Variants in GNE observed in about 807,000 individuals in gnomAD.
The protein encoded by GNE is bifunctional UDP-N-acetylglucosamine 2-epimerase/N-acetylmannosamine kinase.
A neutral mutation model predicts 61.8 loss-of-function variants in GNE; 41 were observed. That is an observed-to-expected ratio of 0.66 (90% CI 0.52 to 0.86). The LOEUF is 0.86. Among genes scored for constraint, GNE ranks in the 40% least tolerant of loss-of-function variants. The pLI is 0.00. For missense variants in GNE, 608 were observed against 909.1 expected, an observed-to-expected ratio of 0.67 and a Z score of 4.26; for synonymous variants, 264 against 326.4, an observed-to-expected ratio of 0.81 and a Z score of 2.06.
At chr9:36,269,145 A>G (rs1234813622) in intron 1 of GNE, among the ~76,000 whole-genome samples, 1 of 150,834 alleles carries the variant, frequency 6.6e-6, no homozygotes, top group Non-Finnish European at 1.5e-5. Context: ...AAAAAAAAAA[A>G]GCCTAAGCAT....
intron 3 of GNE, among the ~76,000 whole-genome samples, chr9:36,245,146 C>A (rs966977832): frequency 6.6e-6 from 1 of 150,592 alleles, no homozygotes; most frequent in Non-Finnish European, 1.5e-5. Flanking sequence ...GCATAGTAAT[C>A]CCAGCCACTC....
At position 36,217,607 on chromosome 9, in the gene GNE, G is replaced by A. The variant is rs1387525049; in HGVS notation, c.1934-7C>T. 2 of 1,583,154 alleles carry A rather than the reference G, an allele frequency of 1.3e-6. No individual in the cohort carries two copies. Among genetic ancestry groups the A allele is most frequent in the African/African-American group, 1.3e-5 (1 of 74,396 alleles). ...AGACCCAAAGCTGTTCCAGCTATAGGGAGACAAAAATTAAAATGAGTTTCT... is the reference window on the plus strand; with the variant it reads ...AGACCCAAAGCTGTTCCAGCTATAGAGAGACAAAAATTAAAATGAGTTTCT... On this transcript the variant is annotated splice_polypyrimidine_tract_variant and splice_region_variant and intron_variant, in intron 11 of 11. Coordinates refer to ENST00000642385, the MANE Select transcript of GNE (RefSeq NM_005476.7).
At chr9:36,257,695 C>CG (rs1484676479) in intron 1 of GNE, among the ~76,000 whole-genome samples, 11 of 145,146 alleles carry the variant, frequency 7.6e-5, no homozygotes, top group Admixed American at 5.7e-4. Context: ...CCCAGCTACT[C>CG]GGGAGGCTGA....
Position 36,216,829 on chromosome 9 carries a change from A to C in GNE, c.*536T>G, listed in dbSNP as rs934377604. On this transcript the variant is annotated 3_prime_UTR_variant, in exon 12 of 12. Coordinates refer to ENST00000642385, the MANE Select transcript of GNE (RefSeq NM_005476.7). ...TGGGACCCGCCACCACACCCAGCTA[A>C]TTTTTTGTATTTTTAGTAGAGACGG... The C allele has an allele frequency of 6.0e-6, 1 of 165,986 alleles. No homozygotes were observed. The highest frequency in any genetic ancestry group is 5.6e-5 in the Admixed American group (1 of 17,774). 10.3% of individuals were successfully genotyped at this position (165,986 alleles called of 1,614,324 possible). A position where few individuals can be genotyped will look rare whatever the true frequency, so the allele number is the denominator to read the frequency against.
rs766168901 is a variant in GNE at position 36,217,602 on chromosome 9, T to C, written c.1934-2A>G. ...CCCCAAGACCCAAAGCTGTTCCAGC[T>C]ATAGGGAGACAAAAATTAAAATGAG... On this transcript the variant is annotated splice_acceptor_variant, in intron 11 of 11. Transcript: ENST00000642385. LOFTEE classifies it high-confidence loss of function. 1 of 1,593,672 alleles carries C rather than the reference T, an allele frequency of 6.3e-7. No individual in the cohort carries two copies. The highest frequency in any genetic ancestry group is 8.6e-7 in the Non-Finnish European group (1 of 1,161,558).
intron 1 of GNE, chr9:36,265,545 T>A: frequency 2.2e-6 from 1 of 446,600 alleles, no homozygotes; most frequent in South Asian, 1.6e-5. Flanking sequence ...AGCTGGATAT[T>A]CCTGTTTAGT....
intron 3 of GNE, among the ~76,000 whole-genome samples, chr9:36,239,024 G>A (rs755815301): frequency 3.3e-5 from 5 of 152,054 alleles, no homozygotes; most frequent in African/African-American, 4.8e-5. Flanking sequence ...TTGATTTGTC[G>A]AAGATCAGTT....
rs772877458 is a variant in GNE, at chr9:36,217,566, G to C, written c.1968C>G (p.Ile656Met). The change falls in exon 12 of 12, where the codon ATC becomes ATG. Residue 656 changes from isoleucine (I) to methionine (M), a missense_variant. By Grantham distance (10) the Ile-to-Met change is conservative. Transcript: ENST00000642385. Reference sequence around the variant, plus strand: ...CAAGGGAGGGATTCATGGTATGGAGGATGTTCACAACCCCAAGACCCAAAG... The same window carrying C: ...CAAGGGAGGGATTCATGGTATGGAGCATGTTCACAACCCCAAGACCCAAAG... ...GTALGLGVVN[I>M]LHTMNPSLVI... 6.2e-7 allele frequency: 1 copy of C among 1,613,930 alleles called. No individual in the cohort carries two copies. The highest frequency in any genetic ancestry group is 1.1e-5 in the South Asian group (1 of 91,072).
chr9:36,223,629 T>C, intron 7 of GNE, 127 bp from the exon 8 acceptor site: 3 of 953,710 alleles, frequency 3.1e-6, no homozygotes, highest in South Asian at 1.4e-5. Context: ...AGATGACTGC[T>C]TGGGGAAGGA....
At position 36,234,152 on chromosome 9, in the gene GNE, CA is replaced by C. The variant is rs752040612; in HGVS notation, c.770-21del. 4 of 1,577,912 alleles carry C rather than the reference CA, an allele frequency of 2.5e-6. No homozygotes were observed. The East Asian group carries it at 8.9e-5, about 35-fold the overall frequency. ...TGCTCCCTATGAAAATGAAAAGAACCAATTGGTAAATGGTTTGTGAGATAAA... is the reference window on the plus strand; with the variant it reads ...TGCTCCCTATGAAAATGAAAAGAACCATTGGTAAATGGTTTGTGAGATAAA... On this transcript the variant is annotated intron_variant, in intron 4 of 11. Coordinates refer to ENST00000642385, the MANE Select transcript of GNE (RefSeq NM_005476.7).
chr9:36,263,522 C>T (rs551608535), intron 1 of GNE: 2 of 153,818 alleles, frequency 1.3e-5, no homozygotes, highest in Admixed American at 1.3e-4. Context: ...CATAACTCTT[C>T]TATTATCCAG....
At chr9:36,252,968 G>T (rs1830169859) in intron 1 of GNE, among the ~76,000 whole-genome samples, 1 of 152,072 alleles carries the variant, frequency 6.6e-6, no homozygotes, top group African/African-American at 2.4e-5. Context: ...AGAACAGCCT[G>T]GCCAACATGG....
At chr9:36,232,889 C>T (rs1829235727) in intron 5 of GNE, among the ~76,000 whole-genome samples, 1 of 152,278 alleles carries the variant, frequency 6.6e-6, no homozygotes, top group East Asian at 1.9e-4. Flanking sequence ...TAAATATTTT[C>T]TAAATAAATG....
rs371881711 is a variant in GNE at position 36,227,287 on chromosome 9, A to G, written c.1242T>C (p.Leu414=). The G allele has an allele frequency of 1.1e-4, 176 of 1,613,666 alleles. No individual in the cohort carries two copies. The South Asian group carries it at 1.6e-3, about 15-fold the overall frequency. ...TTGCAACTCGGAGGTTCGTCCCGCC[A>G]AGATCAACGGCCAAGGCACTTAGAG... ...LETLSALAVD[L]GGTNLRVAIV... is the part of the protein sequence containing the mutation. Residue 414 remains leucine, a synonymous_variant, in exon 7 of 12, where the codon CTT becomes CTC. Transcript: ENST00000642385.
chr9:36,238,504 G>A (rs1829500333), intron 3 of GNE, among the ~76,000 whole-genome samples: 1 of 152,192 alleles, frequency 6.6e-6, no homozygotes, highest in Admixed American at 6.5e-5. Flanking sequence ...CATTAGTGAT[G>A]TTCAGCATTT....
chr9:36,222,140 C>T (rs141106053), intron 9 of GNE, among the ~76,000 whole-genome samples: 59 of 152,180 alleles, frequency 3.9e-4, no homozygotes, highest in East Asian at 1.4e-3. Context: ...ACATTTCGGC[C>T]GGGCGCGGTG....
At chr9:36,271,725 GTA>G (rs1375717002) in intron 1 of GNE, among the ~76,000 whole-genome samples, 1 of 152,138 alleles carries the variant, frequency 6.6e-6, no homozygotes, top group Non-Finnish European at 1.5e-5. Context: ...ATCTTTGAAT[GTA>G]TATGTTTGTG....
At chr9:36,223,254 C>T in intron 8 of GNE, 119 bp downstream of exon 8, 3 of 982,846 alleles carry the variant, frequency 3.1e-6, no homozygotes, top group Admixed American at 1.8e-5. Context: ...CCACAGACAG[C>T]ACCTAGAGCC....
chr9:36,270,544 G>C (rs1830985716), intron 1 of GNE, among the ~76,000 whole-genome samples: 1 of 144,076 alleles, frequency 6.9e-6, no homozygotes, highest in Admixed American at 7.0e-5. Context: ...TTGAGACGGA[G>C]TCTCGCTCTT....
Sources: gnomAD v4.1 joint callset for allele counts (sites outside exome capture counted in the v4.1 genomes callset) on GRCh38, gnomAD v4.1.1 for gene constraint, MANE v1.5 for transcripts, NCBI Gene and HGNC (gene_info 2026-07-23, HGNC 2026-07-21) for gene names.